The following PRKN variants were observed in gnomAD, a reference collection of about 807,000 sequenced individuals.
PRKN encodes parkin RBR E3 ubiquitin protein ligase, also known as E3 ubiquitin-protein ligase parkin.
Under a neutral mutation model 59.5 loss-of-function variants are expected in PRKN, and 56 were observed. That is an observed-to-expected ratio of 0.94 (90% CI 0.76 to 1.18). PRKN has a LOEUF of 1.18. Among genes scored for constraint, PRKN ranks in the 50% most tolerant of loss-of-function variants. The pLI is 0.00. For synonymous variants in PRKN, 250 were observed against 222.1 expected (o/e 1.13, Z -1.12); for missense variants, 657 against 596.4 (o/e 1.10, Z -1.06).
At chr6:162,357,687 G>A (rs887010308) in intron 2 of PRKN, among the ~76,000 whole-genome samples, 3 of 152,164 alleles carry the variant, frequency 2.0e-5, no homozygotes, top group African/African-American at 7.2e-5. Flanking sequence ...ATCAGCAGGT[G>A]AATGAACAAA....
intron 6 of PRKN, among the ~76,000 whole-genome samples, chr6:161,910,511 T>A (rs1778319566): frequency 6.6e-6 from 1 of 152,102 alleles, no homozygotes; most frequent in South Asian, 2.1e-4. Flanking sequence ...CAGCTCAGCC[T>A]CCCAAAGTGC....
intron 2 of PRKN, among the ~76,000 whole-genome samples, chr6:162,290,199 T>C (rs1290096657): frequency 6.6e-6 from 1 of 152,164 alleles, no homozygotes; most frequent in Non-Finnish European, 1.5e-5. Context: ...TCATTTTGCA[T>C]GCAGGGATTG....
intron 9 of PRKN, among the ~76,000 whole-genome samples, chr6:161,496,736 G>A (rs934162900): frequency 6.6e-6 from 1 of 152,176 alleles, no homozygotes; most frequent in Non-Finnish European, 1.5e-5. Flanking sequence ...TACCAAAGTA[G>A]GTTGGCTCTA....
At chr6:162,563,020 G>A (rs1779909490) in intron 1 of PRKN, among the ~76,000 whole-genome samples, 1 of 152,180 alleles carries the variant, frequency 6.6e-6, no homozygotes, top group Non-Finnish European at 1.5e-5. Flanking sequence ...GAAAGCAAGA[G>A]AGCCGGGCGC....
chr6:161,934,924 GT>G (rs1408915619), intron 6 of PRKN, among the ~76,000 whole-genome samples: 1 of 152,060 alleles, frequency 6.6e-6, no homozygotes, highest in Non-Finnish European at 1.5e-5. Flanking sequence ...ACCAAAGCTT[GT>G]TCTTTCAACT....
intron 1 of PRKN, among the ~76,000 whole-genome samples, chr6:162,470,505 C>T (rs1040514560): frequency 5.3e-5 from 8 of 151,974 alleles, no homozygotes; most frequent in African/African-American, 1.7e-4. Flanking sequence ...GCAGGAGAAT[C>T]GCTTGAACCC....
intron 1 of PRKN, among the ~76,000 whole-genome samples, chr6:162,658,753 C>CAG (rs1241589388): frequency 6.7e-6 from 1 of 149,016 alleles, no homozygotes; most frequent in Non-Finnish European, 1.5e-5. Flanking sequence ...GAACTTAAAT[C>CAG]ATCTACACAT....
chr6:162,679,130 C>T (rs1001608088), intron 1 of PRKN, among the ~76,000 whole-genome samples: 13 of 144,650 alleles, frequency 9.0e-5, no homozygotes, highest in African/African-American at 2.0e-4. Context: ...GAGACAGTTT[C>T]GCCCTGTTGC....
chr6:161,890,540 C>T (rs1412965848), intron 6 of PRKN, among the ~76,000 whole-genome samples: 1 of 152,178 alleles, frequency 6.6e-6, no homozygotes, highest in Non-Finnish European at 1.5e-5. Flanking sequence ...GAAGAGGAGC[C>T]ATGCGGCCGG....
At chr6:162,376,700 GGAGA>G (rs1273611448) in intron 2 of PRKN, among the ~76,000 whole-genome samples, 1 of 146,058 alleles carries the variant, frequency 6.8e-6, no homozygotes, top group Non-Finnish European at 1.5e-5. Flanking sequence ...ATGGACACAC[GGAGA>G]GAGAGGGGGA....
intron 2 of PRKN, among the ~76,000 whole-genome samples, chr6:162,330,868 T>C (rs1783539362): frequency 6.6e-6 from 1 of 152,136 alleles, no homozygotes; most frequent in Admixed American, 6.5e-5. Context: ...ACTCGTGTTG[T>C]GGAGGCATTC....
At chr6:161,986,113 G>GCAATGACC (rs1223934037) in intron 5 of PRKN, among the ~76,000 whole-genome samples, 2 of 152,084 alleles carry the variant, frequency 1.3e-5, no homozygotes, top group East Asian at 3.9e-4. Context: ...CCTTTCCATG[G>GCAATGACC]CAATGACCCA....
chr6:162,612,131 T>A (rs1397793395), intron 1 of PRKN, among the ~76,000 whole-genome samples: 1 of 144,236 alleles, frequency 6.9e-6, no homozygotes, highest in South Asian at 2.2e-4. Flanking sequence ...AGGCGGAGCT[T>A]GCAGTGAGCT....
chr6:161,452,101 G>GCAC (rs746437601), intron 9 of PRKN, among the ~76,000 whole-genome samples: 73 of 151,554 alleles, frequency 4.8e-4, no homozygotes, highest in Non-Finnish European at 8.5e-4. Context: ...GATTACAGGC[G>GCAC]CACCACCACA....
At chr6:161,629,904 G>C (rs1783235038) in intron 7 of PRKN, among the ~76,000 whole-genome samples, 1 of 152,130 alleles carries the variant, frequency 6.6e-6, no homozygotes, top group Admixed American at 6.5e-5. Context: ...AAGGCACTCT[G>C]CTTCCACTCT....
intron 1 of PRKN, among the ~76,000 whole-genome samples, chr6:162,691,399 T>C (rs1010667223): frequency 5.9e-5 from 9 of 152,170 alleles, no homozygotes; most frequent in Non-Finnish European, 1.2e-4. Flanking sequence ...TGGATTAGTG[T>C]CAGAAAATGC....
chr6:162,708,428 T>C (rs1778410282), intron 1 of PRKN, among the ~76,000 whole-genome samples: 2 of 152,224 alleles, frequency 1.3e-5, no homozygotes, highest in African/African-American at 2.4e-5. Flanking sequence ...TCCCTAAGTA[T>C]TGCAGAAAAG....
At chr6:162,116,771 G>A (rs777618953) in intron 4 of PRKN, among the ~76,000 whole-genome samples, 3 of 152,204 alleles carry the variant, frequency 2.0e-5, no homozygotes, top group African/African-American at 4.8e-5. Context: ...ATGCACAGGC[G>A]TGAAAGTCAT....
At chr6:161,701,187 T>G (rs952181268) in intron 7 of PRKN, among the ~76,000 whole-genome samples, 1 of 152,330 alleles carries the variant, frequency 6.6e-6, no homozygotes, top group South Asian at 2.1e-4. Context: ...TCCCTGTACT[T>G]GGCTCACTGT....
Sources: allele counts gnomAD v4.1 joint callset (sites outside exome capture counted in the v4.1 genomes callset), GRCh38; gene constraint gnomAD v4.1.1; transcripts MANE v1.5; gene names NCBI Gene and HGNC (gene_info 2026-07-23, HGNC 2026-07-21).